Variants in MDGA2 observed in about 807,000 individuals in gnomAD.
MDGA2 encodes MAM domain-containing glycosylphosphatidylinositol anchor protein 2.
Under a neutral mutation model 117.8 loss-of-function variants are expected in MDGA2, and 40 were observed. That is an observed-to-expected ratio of 0.34 (90% CI 0.26 to 0.44). MDGA2 has a LOEUF of 0.44. MDGA2 is among the 20% of genes least tolerant of loss of function. The pLI, the probability that MDGA2 is intolerant of heterozygous loss-of-function variation, is 1.00. For synonymous variants in MDGA2, 452 were observed against 439.0 expected (o/e 1.03, Z -0.37); for missense variants, 1,123 against 1,250.6 (o/e 0.90, Z 1.54).
intron 1 of MDGA2, among the ~76,000 whole-genome samples, chr14:47,493,772 A>T (rs1329556121): frequency 6.6e-6 from 1 of 152,202 alleles, no homozygotes; most frequent in Non-Finnish European, 1.5e-5. Flanking sequence ...TTTTGTCATT[A>T]CCAATGCATA....
At chr14:47,472,242 T>C (rs914350816) in intron 1 of MDGA2, among the ~76,000 whole-genome samples, 4 of 152,212 alleles carry the variant, frequency 2.6e-5, no homozygotes, top group Admixed American at 2.0e-4. Context: ...TGTTGATTAA[T>C]GACAGGGACA....
At chr14:47,641,010 T>C (rs866761643) in intron 1 of MDGA2, among the ~76,000 whole-genome samples, 3 of 152,010 alleles carry the variant, frequency 2.0e-5, no homozygotes, top group Admixed American at 1.3e-4. Context: ...CTTTTTTTTT[T>C]GTTTTCCCTA....
chr14:47,595,559 A>C (rs1363895328), intron 1 of MDGA2, among the ~76,000 whole-genome samples: 2 of 149,948 alleles, frequency 1.3e-5, no homozygotes, highest in Admixed American at 1.3e-4. Flanking sequence ...AAAAAAAACA[A>C]AAAAAAAAAA....
chr14:47,255,848 A>G (rs1887599070), intron 2 of MDGA2, among the ~76,000 whole-genome samples: 1 of 152,010 alleles, frequency 6.6e-6, no homozygotes, highest in African/African-American at 2.4e-5. Context: ...TTGTCTGGTA[A>G]ATGAGATCAT....
chr14:47,105,111 C>CA (rs201010655), intron 5 of MDGA2, among the ~76,000 whole-genome samples: 45 of 151,948 alleles, frequency 3.0e-4, no homozygotes, highest in African/African-American at 9.4e-4. Context: ...GCAGGGACGC[C>CA]GCCTTGGTCC....
At chr14:47,594,406 C>A (rs1301103928) in intron 1 of MDGA2, among the ~76,000 whole-genome samples, 1 of 152,184 alleles carries the variant, frequency 6.6e-6, no homozygotes, top group Non-Finnish European at 1.5e-5. Context: ...AGAGCATGTG[C>A]ATAAATTCAA....
intron 3 of MDGA2, among the ~76,000 whole-genome samples, chr14:47,147,937 CATA>C (rs1883010779): frequency 6.6e-6 from 1 of 152,180 alleles, no homozygotes; most frequent in Non-Finnish European, 1.5e-5. Flanking sequence ...AGCCCTTGAT[CATA>C]ATATCTTCTC....
intron 1 of MDGA2, among the ~76,000 whole-genome samples, chr14:47,398,002 C>T (rs1892051811): frequency 1.3e-5 from 2 of 152,070 alleles, no homozygotes; most frequent in Admixed American, 1.3e-4. Context: ...TCATTTTATC[C>T]TCACAACATC....
chr14:47,560,716 T>C (rs1895783001), intron 1 of MDGA2, among the ~76,000 whole-genome samples: 1 of 152,238 alleles, frequency 6.6e-6, no homozygotes, highest in African/African-American at 2.4e-5. Flanking sequence ...TTTAATTAGA[T>C]CCTAGTTGTC....
At chr14:47,500,684 C>G (rs566566070) in intron 1 of MDGA2, among the ~76,000 whole-genome samples, 1 of 151,952 alleles carries the variant, frequency 6.6e-6, no homozygotes, top group Non-Finnish European at 1.5e-5. Context: ...ATAATCATGA[C>G]TACAATTGAT....
At chr14:47,492,165 T>C (rs553196619) in intron 1 of MDGA2, among the ~76,000 whole-genome samples, 1 of 152,258 alleles carries the variant, frequency 6.6e-6, no homozygotes, top group African/African-American at 2.4e-5. Flanking sequence ...TGCATTTGCT[T>C]ACAACTTTAA....
intron 10 of MDGA2, among the ~76,000 whole-genome samples, chr14:46,882,989 T>C (rs796987809): frequency 1.3e-5 from 2 of 152,156 alleles, no homozygotes; most frequent in African/African-American, 4.8e-5. Flanking sequence ...TTCACAATGC[T>C]TCCCTCACTA....
At chr14:47,076,475 C>A (rs1166740103) in intron 6 of MDGA2, among the ~76,000 whole-genome samples, 1 of 151,838 alleles carries the variant, frequency 6.6e-6, no homozygotes, top group Non-Finnish European at 1.5e-5. Flanking sequence ...GCTGAAAGTA[C>A]AATGCCATGT....
intron 1 of MDGA2, among the ~76,000 whole-genome samples, chr14:47,432,189 C>G (rs1353293987): frequency 6.6e-6 from 1 of 151,816 alleles, no homozygotes; most frequent in East Asian, 1.9e-4. Context: ...GGATTTTTCG[C>G]TCTTAGTTTT....
intron 16 of MDGA2, 37 bp from the exon 17 acceptor site, chr14:46,842,056 A>G (rs1880638406): frequency 1.4e-6 from 2 of 1,441,862 alleles, no homozygotes; most frequent in African/African-American, 1.4e-5. Context: ...CAAAAAAAGA[A>G]GAATAATAAG....
At chr14:47,168,260 T>C (rs574899701) in intron 3 of MDGA2, among the ~76,000 whole-genome samples, 2 of 125,796 alleles carry the variant, frequency 1.6e-5, no homozygotes, top group South Asian at 4.8e-4. Context: ...TCTTTAACCA[T>C]AGTGACAGGG....
intron 3 of MDGA2, chr14:47,201,064 TG>T: frequency 1.8e-6 from 2 of 1,137,224 alleles, no homozygotes; most frequent in Non-Finnish European, 2.7e-6. Context: ...GCCCAGGAGA[TG>T]GCCTCGACCA....
At chr14:47,614,088 CTTT>C (rs1896903320) in intron 1 of MDGA2, among the ~76,000 whole-genome samples, 1 of 99,900 alleles carries the variant, frequency 1.0e-5, no homozygotes, top group African/African-American at 4.0e-5. Context: ...TTCTTGTTTT[CTTT>C]TTTCTTTTTT....
At chr14:46,995,582 A>C (rs2138453590) in intron 8 of MDGA2, among the ~76,000 whole-genome samples, 1 of 152,132 alleles carries the variant, frequency 6.6e-6, no homozygotes, top group South Asian at 2.1e-4. Context: ...CATTTTGCTG[A>C]ATCCATTATA....
Sources: gnomAD v4.1 joint callset for allele counts (sites outside exome capture counted in the v4.1 genomes callset) on GRCh38, gnomAD v4.1.1 for gene constraint, MANE v1.5 for transcripts, NCBI Gene and HGNC (gene_info 2026-07-23, HGNC 2026-07-21) for gene names.